The following PARP1 variants were observed in gnomAD, a reference collection of about 807,000 sequenced individuals.
The protein encoded by PARP1 is poly [ADP-ribose] polymerase 1.
PARP1 carries 44 observed loss-of-function variants against 118.7 expected under a neutral mutation model. The observed-to-expected ratio is 0.37, with a 90% CI of 0.29 to 0.48. The LOEUF is 0.48. Ranked by LOEUF, PARP1 falls within the 20% of genes least tolerant of loss-of-function variation. The pLI is 0.99. For synonymous variants in PARP1, 492 were observed against 483.2 expected (o/e 1.02, Z -0.24); for missense variants, 1,100 against 1,272.4 (o/e 0.86, Z 2.06).
chr1:226,408,079 C>G lies in PARP1; in HGVS notation c.-150G>C. On this transcript the variant is annotated 5_prime_UTR_variant, in exon 1 of 23. Coordinates refer to ENST00000366794, the MANE Select transcript of PARP1 (RefSeq NM_001618.4). ...ACACGCCGCACCGGCCACCGCCGTT[C>G]CCTGATAGATTGCTGATGCCTGGCC... 8.6e-7 allele frequency: 1 copy of G among 1,160,976 alleles called. No individual in the cohort carries two copies. Among genetic ancestry groups the G allele is most frequent in the East Asian group, 2.6e-5 (1 of 38,582 alleles). 71.9% of individuals were successfully genotyped at this position (1,160,976 alleles called of 1,614,324 possible).
At chr1:226,402,504 G>T in intron 1 of PARP1, 125 bp from the exon 2 acceptor site, 1 of 897,692 alleles carries the variant, frequency 1.1e-6, no homozygotes. Context: ...TGAAACTTTT[G>T]TTCTCCTATC....
intron 1 of PARP1, 51 bp from the exon 2 acceptor site, chr1:226,402,430 T>C (rs1665056740): frequency 1.9e-6 from 3 of 1,544,990 alleles, no homozygotes; most frequent in Non-Finnish European, 2.6e-6. Context: ...ACTTTTGACT[T>C]AGACCCACTA....
At chr1:226,362,443 CAT>C (rs1275953951) in intron 21 of PARP1, among the ~76,000 whole-genome samples, 1 of 152,164 alleles carries the variant, frequency 6.6e-6, no homozygotes, top group Non-Finnish European at 1.5e-5. Context: ...CACCCAGCCT[CAT>C]GTGCTCATTT....
At chr1:226,362,792 G>A (rs1664174632) in intron 21 of PARP1, among the ~76,000 whole-genome samples, 1 of 151,980 alleles carries the variant, frequency 6.6e-6, no homozygotes, top group African/African-American at 2.4e-5. Flanking sequence ...TGTGATACCA[G>A]CTGCAGCCAC....
chr1:226,385,032 C>T (rs1274850193), intron 7 of PARP1, among the ~76,000 whole-genome samples: 3 of 152,124 alleles, frequency 2.0e-5, no homozygotes, highest in African/African-American at 4.8e-5. Context: ...AGGTATTTTG[C>T]GTTGAGAATT....
chr1:226,362,374 CAG>C (rs1421756661), intron 21 of PARP1: 1 of 387,562 alleles, frequency 2.6e-6, no homozygotes, highest in Non-Finnish European at 4.9e-6. Flanking sequence ...TTAGTAGAGA[CAG>C]GGTTTCACCA....
intron 22 of PARP1, chr1:226,361,760 G>C: frequency 1.5e-6 from 1 of 663,708 alleles, no homozygotes; most frequent in Non-Finnish European, 2.7e-6. Context: ...GAGGAGAGGA[G>C]ATCATCCTCT....
rs3219100 is a variant in PARP1 at position 226,375,148 on chromosome 1, A to C, written c.1942-794T>G. On this transcript the variant is annotated intron_variant, in intron 13 of 22. Coordinates refer to ENST00000366794, the MANE Select transcript of PARP1 (RefSeq NM_001618.4). ...AACCTGGAATCAGACTGGCTTACCC[A>C]AGAGCTAACTTGCGTTGTTAGTGTT... Among the ~76,000 whole-genome samples the C allele has an allele frequency of 6.6e-3, 1,005 of 152,332 alleles. 14 individuals are homozygous for C. Among genetic ancestry groups the C allele is most frequent in the African/African-American group, 0.023 (954 of 41,566 alleles).
At chr1:226,401,782 T>C (rs896929916) in intron 2 of PARP1, among the ~76,000 whole-genome samples, 2 of 152,120 alleles carry the variant, frequency 1.3e-5, no homozygotes, top group Non-Finnish European at 2.9e-5. Flanking sequence ...ACCCATAGAA[T>C]GTAGAGCATC....
At chr1:226,386,563 T>G in intron 5 of PARP1, 121 bp from the exon 6 acceptor site, 1 of 777,594 alleles carries the variant, frequency 1.3e-6, no homozygotes, top group Non-Finnish European at 2.4e-6. Flanking sequence ...GAGCTGCCCC[T>G]GCAAATCTGG....
chr1:226,406,173 T>C (rs958708574), intron 1 of PARP1, among the ~76,000 whole-genome samples: 4 of 145,630 alleles, frequency 2.7e-5, no homozygotes, highest in Admixed American at 7.4e-5. Flanking sequence ...TTATCACTGG[T>C]GAAAAAAAAA....
chr1:226,372,741 G>A (rs1185738110), intron 14 of PARP1, among the ~76,000 whole-genome samples: 1 of 152,160 alleles, frequency 6.6e-6, no homozygotes, highest in Non-Finnish European at 1.5e-5. Context: ...AAAGGACTTG[G>A]GTTTGAGAAT....
chr1:226,368,647 A>C (rs1371320790), intron 15 of PARP1, among the ~76,000 whole-genome samples: 1 of 152,268 alleles, frequency 6.6e-6, no homozygotes. Flanking sequence ...TGGTGGGCTA[A>C]TGACTATTGC....
At chr1:226,380,655 T>C (rs544522501) in intron 9 of PARP1, among the ~76,000 whole-genome samples, 2 of 152,324 alleles carry the variant, frequency 1.3e-5, no homozygotes, top group Admixed American at 6.5e-5. Context: ...TCCGAGATGC[T>C]TGAGACCAGA....
At chr1:226,407,570 A>T (rs778453116) in intron 1 of PARP1, among the ~76,000 whole-genome samples, 1 of 152,100 alleles carries the variant, frequency 6.6e-6, no homozygotes, top group Non-Finnish European at 1.5e-5. Context: ...TCACAAAGCG[A>T]AAGGCAACAC....
chr1:226,368,265 G>A lies in PARP1; in HGVS notation c.2211C>T (p.Tyr737=), dbSNP rs1179456948. ...TCCCAAAGTCGTGGGGGATCAGGGT[G>A]TAAAAGCGATTTGAGAGATCCAGGA... The part of the protein sequence containing the change: ...SQILDLSNRF[Y]TLIPHDFGMK... Residue 737 remains tyrosine, a synonymous_variant, in exon 16 of 23, where the codon TAC becomes TAT. Coordinates refer to ENST00000366794, the MANE Select transcript of PARP1 (RefSeq NM_001618.4). The A allele has an allele frequency of 3.7e-6, 6 of 1,614,112 alleles. No individual in the cohort carries two copies. In the Admixed American group the frequency reaches 1.0e-4, roughly 27 times the overall value.
At chr1:226,393,415 C>T (rs1664856227) in intron 2 of PARP1, among the ~76,000 whole-genome samples, 1 of 152,102 alleles carries the variant, frequency 6.6e-6, no homozygotes, top group African/African-American at 2.4e-5. Context: ...AGTGAGATGC[C>T]AATCAAATTC....
chr1:226,392,312 T>C lies in PARP1; in HGVS notation c.289A>G (p.Lys97Glu). 1 of 1,610,770 alleles carries C rather than the reference T, an allele frequency of 6.2e-7. No homozygotes were observed. Among genetic ancestry groups the C allele is most frequent in the Non-Finnish European group, 8.5e-7 (1 of 1,177,098 alleles). Residue 97 changes from lysine (K) to glutamate (E), a missense_variant and splice_region_variant, in exon 3 of 23, where the codon AAA becomes GAA. Lys to Glu is a moderately conservative substitution (Grantham distance 56). This residue lies in a region of PARP1 where 948 missense variants were observed against 1,031.8 expected (regional missense o/e 0.92). Transcript: ENST00000366794. The stretch of plus-strand genomic sequence containing the variant: ...TTGCTACCAATTCCATCCTGGCCTT[T>C]GCCTGGAGAATCAAACAGACAGCAA... ...KTAEAGGVTG[K>E]GQDGIGSKAE... is the part of the protein sequence containing the mutation.
chr1:226,370,431 T>C lies in PARP1; in HGVS notation c.2154+3A>G. ...AGGAGGCCCCTGGTAGCCCTGTGCT[T>C]ACCTGCTGGACCTCACTGAGGATGG... On this transcript the variant is annotated splice_donor_region_variant and intron_variant, in intron 15 of 22. Transcript: ENST00000366794. 1 of 1,612,590 alleles carries C rather than the reference T, an allele frequency of 6.2e-7. No homozygotes were observed. The highest frequency in any genetic ancestry group is 8.5e-7 in the Non-Finnish European group (1 of 1,178,604).
Sources: gnomAD v4.1 joint callset for allele counts (sites outside exome capture counted in the v4.1 genomes callset) on GRCh38, gnomAD v4.1.1 for gene constraint, gnomAD v4.1.1 regional missense constraint, MANE v1.5 for transcripts, NCBI Gene and HGNC (gene_info 2026-07-23, HGNC 2026-07-21) for gene names.